SEPTIN10: variants seen among roughly 807,000 people sequenced by gnomAD.
The protein encoded by SEPTIN10 is septin-10.
Under a neutral mutation model 54.8 loss-of-function variants are expected in SEPTIN10, and 66 were observed. That is an observed-to-expected ratio of 1.21 (90% CI 0.99 to 1.48). The LOEUF (loss-of-function observed/expected upper bound fraction) is 1.48, where lower values mean the gene tolerates loss of function less well. Among genes scored for constraint, SEPTIN10 ranks in the 40% most tolerant of loss-of-function variants. The probability of loss-of-function intolerance (pLI) is 0.00; values close to 1 mark genes in which losing one functional copy is unlikely to be tolerated. For missense variants in SEPTIN10, 620 were observed against 545.6 expected, an observed-to-expected ratio of 1.14 and a Z score of -1.36; for synonymous variants, 161 against 181.0, an observed-to-expected ratio of 0.89 and a Z score of 0.89.
intron 7 of SEPTIN10, 93 bp from the exon 8 acceptor site, chr2:109,564,627 T>C (rs1429727324): frequency 1.8e-6 from 2 of 1,119,750 alleles, no homozygotes; most frequent in African/African-American, 1.6e-5. Flanking sequence ...AATGAAAACA[T>C]GTGAAACAAC....
chr2:109,575,417 C>T (rs571043420), intron 4 of SEPTIN10, among the ~76,000 whole-genome samples: 43 of 152,176 alleles, frequency 2.8e-4, no homozygotes, highest in Admixed American at 6.5e-4. Flanking sequence ...AATGGTGGCA[C>T]GTTTTTATTT....
chr2:109,613,949 C>T lies in SEPTIN10; in HGVS notation c.-122G>A. 8.2e-7 allele frequency: 1 copy of T among 1,213,218 alleles called. No individual in the cohort carries two copies. The highest frequency in any genetic ancestry group is 1.0e-6 in the Non-Finnish European group (1 of 975,846). 75.2% of individuals were successfully genotyped at this position (1,213,218 alleles called of 1,614,324 possible). On this transcript the variant is annotated 5_prime_UTR_variant, in exon 1 of 11. Transcript: ENST00000397712. ...CGGGCGGGGCGCGAGGCTAGGCTGC[C>T]TCCGCGACGGGGAAGGGACAGGGGC... is the stretch of plus-strand genomic sequence containing the variant.
chr2:109,562,082 G>A (rs1685783053), intron 8 of SEPTIN10, among the ~76,000 whole-genome samples: 1 of 151,930 alleles, frequency 6.6e-6, no homozygotes, highest in African/African-American at 2.4e-5. Flanking sequence ...GGGTGGTGGT[G>A]CATGCCTATA....
In SEPTIN10 at chr2:109,606,929, GGCAT is replaced by G. The variant is rs376355823; in HGVS notation, c.30+6865_30+6868del. Among the ~76,000 whole-genome samples the G allele has an allele frequency of 1.2e-4, 18 of 152,154 alleles. 1 individual carries two copies. The highest frequency in any genetic ancestry group is 3.9e-4 in the African/African-American group (16 of 41,536). ...AGCCTCCCAAAGTGCTGGGATTACA[GGCAT>G]GAGCCACCACGCCCAGCAAAGCTAT... On this transcript the variant is annotated intron_variant, in intron 1 of 10. Coordinates refer to ENST00000397712, the MANE Select transcript of SEPTIN10 (RefSeq NM_144710.5).
At chr2:109,567,744 G>C (rs1014774396) in intron 6 of SEPTIN10, 71 bp downstream of exon 6, 7 of 1,390,708 alleles carry the variant, frequency 5.0e-6, no homozygotes, top group Non-Finnish European at 9.7e-7. Flanking sequence ...TGTATTAGCA[G>C]CAATATTACT....
intron 2 of SEPTIN10, among the ~76,000 whole-genome samples, chr2:109,588,439 A>G (rs1314332107): frequency 6.6e-6 from 1 of 152,194 alleles, no homozygotes; most frequent in East Asian, 1.9e-4. Context: ...CACAAAATAC[A>G]GGAGGACTGA....
At chr2:109,593,265 T>C in intron 1 of SEPTIN10, 146 bp from the exon 2 acceptor site, 1 of 476,156 alleles carries the variant, frequency 2.1e-6, no homozygotes, top group East Asian at 3.3e-5. Context: ...TATTGAATCG[T>C]GTTTGAAATT....
chr2:109,580,349 C>CA lies in SEPTIN10; in HGVS notation c.413+4776dup, dbSNP rs3058505. On this transcript the variant is annotated intron_variant, in intron 4 of 10. Transcript: ENST00000397712. ...GAAGTCACAATTTCTCCATAAAATG[C>CA]AAAAAAAAAAAAAAAATCTGGTGAA... Among the ~76,000 whole-genome samples the CA allele has an allele frequency of 2.8e-3, 378 of 135,938 alleles. 1 individual carries two copies. The highest frequency in any genetic ancestry group is 8.5e-3 in the African/African-American group (304 of 35,840). The allele number at this position is 135,938 out of a possible 152,430, so 89.2% of individuals were successfully genotyped here. A position where few individuals can be genotyped will look rare whatever the true frequency, so the allele number is the denominator to read the frequency against.
intron 1 of SEPTIN10, chr2:109,594,667 C>A (rs1022035047): frequency 2.0e-5 from 3 of 152,222 alleles, no homozygotes; most frequent in Non-Finnish European, 2.9e-5. Context: ...AAAGAGAGAA[C>A]CTGGGTGCTC....
At chr2:109,582,546 C>T (rs769376689) in intron 4 of SEPTIN10, among the ~76,000 whole-genome samples, 4 of 152,118 alleles carry the variant, frequency 2.6e-5, no homozygotes, top group Non-Finnish European at 4.4e-5. Context: ...AGTCTCAAGA[C>T]TCCTGAGCAA....
chr2:109,587,693 A>C (rs974692525), intron 2 of SEPTIN10, among the ~76,000 whole-genome samples: 7 of 151,964 alleles, frequency 4.6e-5, no homozygotes, highest in Non-Finnish European at 1.0e-4. Context: ...GCGGGTGGAT[A>C]ACAAGGTCAG....
chr2:109,574,508 A>G (rs751942653), intron 5 of SEPTIN10, 73 bp downstream of exon 5: 11 of 944,176 alleles, frequency 1.2e-5, no homozygotes, highest in Non-Finnish European at 1.6e-5. Context: ...ATATATATCC[A>G]TATTGTAAAA....
intron 8 of SEPTIN10, among the ~76,000 whole-genome samples, chr2:109,556,497 G>A (rs1417015599): frequency 6.6e-6 from 1 of 152,190 alleles, no homozygotes; most frequent in Non-Finnish European, 1.5e-5. Context: ...TTTGAGGCAT[G>A]TACAGGAGGG....
At chr2:109,595,131 A>AC (rs1695032385) in intron 1 of SEPTIN10, 1 of 152,084 alleles carries the variant, frequency 6.6e-6, no homozygotes, top group Non-Finnish European at 1.5e-5. Flanking sequence ...AAGCGATCCT[A>AC]CCGCCTTGGC....
intron 4 of SEPTIN10, among the ~76,000 whole-genome samples, chr2:109,582,075 G>GACAC (rs55880328): frequency 0.018 from 2,612 of 143,832 alleles, 52 homozygotes; most frequent in African/African-American, 0.05. Context: ...ATGTACAACA[G>GACAC]ACACACACAC....
intron 8 of SEPTIN10, 28 bp downstream of exon 8, chr2:109,564,338 G>T (rs1270197306): frequency 1.3e-6 from 2 of 1,495,242 alleles, no homozygotes; most frequent in Non-Finnish European, 1.8e-6. Context: ...CTTCCTCTTT[G>T]GTTGGCTTCC....
intron 1 of SEPTIN10, among the ~76,000 whole-genome samples, chr2:109,603,893 G>C (rs936997409): frequency 1.3e-5 from 2 of 152,028 alleles, no homozygotes; most frequent in Non-Finnish European, 2.9e-5. Context: ...CGGGCACGGT[G>C]GCTCACACCT....
intron 8 of SEPTIN10, among the ~76,000 whole-genome samples, chr2:109,555,910 C>T (rs962001743): frequency 6.6e-6 from 1 of 152,132 alleles, no homozygotes; most frequent in Non-Finnish European, 1.5e-5. Context: ...TAGTGACTGC[C>T]AAACTCCCCA....
chr2:109,549,858 CTT>C (rs1682427007), intron 9 of SEPTIN10, among the ~76,000 whole-genome samples: 1 of 152,092 alleles, frequency 6.6e-6, no homozygotes, highest in East Asian at 1.9e-4. Context: ...AATGTGGTCT[CTT>C]TCTCTCTCAA....
Sources: gnomAD v4.1 joint callset for allele counts (sites outside exome capture counted in the v4.1 genomes callset) on GRCh38, gnomAD v4.1.1 for gene constraint, MANE v1.5 for transcripts, NCBI Gene and HGNC (gene_info 2026-07-23, HGNC 2026-07-21) for gene names.